FLT1: variants seen among roughly 807,000 people sequenced by gnomAD.
FLT1 encodes fms related receptor tyrosine kinase 1.
A neutral mutation model predicts 156.3 loss-of-function variants in FLT1; 49 were observed. The observed-to-expected ratio is 0.31, with a 90% CI of 0.25 to 0.40. The LOEUF (loss-of-function observed/expected upper bound fraction) is 0.40. Among genes scored for constraint, FLT1 ranks in the 10% least tolerant of loss-of-function variants. The pLI is 1.00. For synonymous variants in FLT1, 594 were observed against 583.8 expected, an observed-to-expected ratio of 1.02 and a Z score of -0.25; for missense variants, 1,322 against 1,637.2, an observed-to-expected ratio of 0.81 and a Z score of 3.32.
chr13:28,480,032 G>C (rs1011738759), intron 1 of FLT1, among the ~76,000 whole-genome samples: 10 of 152,156 alleles, frequency 6.6e-5, no homozygotes, highest in Non-Finnish European at 1.3e-4. Context: ...TGCCGAAGCT[G>C]CTCCCATGAA....
At chr13:28,342,946 T>TTC (rs61022115) in intron 16 of FLT1, among the ~76,000 whole-genome samples, 3,362 of 143,040 alleles carry the variant, frequency 0.024, 102 homozygotes, top group African/African-American at 0.078. Flanking sequence ...CTTTCTTTCT[T>TTC]TCTCTCTCTC....
At chr13:28,363,800 A>G (rs1873193793) in intron 14 of FLT1, among the ~76,000 whole-genome samples, 1 of 151,964 alleles carries the variant, frequency 6.6e-6, no homozygotes, top group Non-Finnish European at 1.5e-5. Context: ...TTTTGTAGAG[A>G]CAGGGTTTCA....
chr13:28,368,853 C>T (rs1873424557), intron 14 of FLT1, among the ~76,000 whole-genome samples: 1 of 151,676 alleles, frequency 6.6e-6, no homozygotes, highest in Non-Finnish European at 1.5e-5. Flanking sequence ...TACAGGTGCC[C>T]ACCACCATAC....
intron 10 of FLT1, among the ~76,000 whole-genome samples, chr13:28,414,947 C>G (rs1315286988): frequency 1.3e-5 from 2 of 152,198 alleles, no homozygotes; most frequent in Admixed American, 1.3e-4. Flanking sequence ...ATCAGCACCT[C>G]TCCATTTGCA....
intron 20 of FLT1, 34 bp downstream of exon 20, chr13:28,327,428 A>G (rs767407777): frequency 2.3e-6 from 3 of 1,299,488 alleles, no homozygotes; most frequent in African/African-American, 1.5e-5. Flanking sequence ...ACTCATTGCT[A>G]TCTTTAAAAA....
In FLT1 at chr13:28,443,755, G is replaced by A. The variant is rs113122409; in HGVS notation, c.389-5410C>T. 6.4e-3 allele frequency among the ~76,000 whole-genome samples: 973 copies of A among 152,286 alleles called. 14 individuals carry two copies. The highest frequency in any genetic ancestry group is 0.022 in the African/African-American group (934 of 41,552). On this transcript the variant is annotated intron_variant, in intron 3 of 29. Coordinates refer to ENST00000282397, the MANE Select transcript of FLT1 (RefSeq NM_002019.4). ...TTGTGGACCGTAAGTAATACTCAAGGAGAATGTACTGATTGGTAAAATATT... is the reference window on the plus strand; with the variant it reads ...TTGTGGACCGTAAGTAATACTCAAGAAGAATGTACTGATTGGTAAAATATT...
Position 28,302,216 on chromosome 13 carries a change from ATTGAG to A in FLT1, c.*946_*950del, listed in dbSNP as rs1420329007. ...GTGCAAAACAGAATAATACCAAGAA[ATTGAG>A]TTAAGTGTCTGGACTATATATTAAT... On this transcript the variant is annotated 3_prime_UTR_variant, in exon 30 of 30. Coordinates refer to ENST00000282397, the MANE Select transcript of FLT1 (RefSeq NM_002019.4). The A allele has an allele frequency of 8.6e-6, 2 of 233,184 alleles. No individual in the cohort carries two copies. Among genetic ancestry groups the A allele is most frequent in the Non-Finnish European group, 8.5e-6 (1 of 118,050 alleles). 14.4% of individuals were successfully genotyped at this position (233,184 alleles called of 1,614,324 possible). A position where few individuals can be genotyped will look rare whatever the true frequency, so the allele number is the denominator to read the frequency against.
chr13:28,412,806 G>A (rs1408322719), intron 10 of FLT1, among the ~76,000 whole-genome samples: 2 of 144,760 alleles, frequency 1.4e-5, no homozygotes, highest in Non-Finnish European at 3.0e-5. Flanking sequence ...GCGCGATCTC[G>A]GCTCACTGCA....
intron 2 of FLT1, 55 bp downstream of exon 2, chr13:28,467,466 G>T: frequency 8.6e-7 from 1 of 1,161,516 alleles, no homozygotes; most frequent in East Asian, 2.4e-5. Context: ...GCCAGGGAAT[G>T]ATTTTGCCTT....
chr13:28,382,437 T>C (rs1331543366), intron 14 of FLT1, among the ~76,000 whole-genome samples: 1 of 152,196 alleles, frequency 6.6e-6, no homozygotes, highest in Admixed American at 6.5e-5. Context: ...GGGCTAGATA[T>C]TGAGGGCATT....
At chr13:28,351,390 A>G (rs961339756) in intron 15 of FLT1, among the ~76,000 whole-genome samples, 1 of 152,188 alleles carries the variant, frequency 6.6e-6, no homozygotes, top group African/African-American at 2.4e-5. Flanking sequence ...CGAGAAGAAA[A>G]TTACTCAGAT....
chr13:28,366,893 A>T (rs750736243), intron 14 of FLT1, among the ~76,000 whole-genome samples: 1 of 152,106 alleles, frequency 6.6e-6, no homozygotes, highest in Non-Finnish European at 1.5e-5. Context: ...TGCCCACTCC[A>T]CTGTGGGCTC....
intron 20 of FLT1, 145 bp from the exon 21 acceptor site, chr13:28,323,091 G>T: frequency 1.2e-6 from 1 of 859,956 alleles, no homozygotes; most frequent in Non-Finnish European, 1.9e-6. Flanking sequence ...GGGGCCCTAC[G>T]GTGTCCAGGA....
intron 24 of FLT1, among the ~76,000 whole-genome samples, chr13:28,318,574 A>G (rs1466991503): frequency 6.6e-6 from 1 of 152,186 alleles, no homozygotes; most frequent in African/African-American, 2.4e-5. Context: ...CAGTGCTGGC[A>G]CCGTGTCATC....
At chr13:28,317,365 A>T in intron 25 of FLT1, 133 bp downstream of exon 25, 1 of 729,536 alleles carries the variant, frequency 1.4e-6, no homozygotes. Flanking sequence ...TGAGGGGAGC[A>T]TCTCTAAAGG....
chr13:28,412,385 T>TTTCTTTCTTTCTTTCTTTCTTTGTTTCC, intron 10 of FLT1, among the ~76,000 whole-genome samples: 1 of 85,028 alleles, frequency 1.2e-5, no homozygotes, highest in East Asian at 3.6e-4. Flanking sequence ...TCTTTCTTTC[T>TTTCTTTCTTTCTTTCTTTCTTTGTTTCC]TTCTTTCTTT....
intron 3 of FLT1, among the ~76,000 whole-genome samples, chr13:28,450,410 G>A (rs1349967176): frequency 6.6e-6 from 1 of 152,172 alleles, no homozygotes; most frequent in Non-Finnish European, 1.5e-5. Flanking sequence ...TTCACACTAA[G>A]CTGGCTGGCG....
At chr13:28,436,592 G>A (rs1275816461) in intron 4 of FLT1, among the ~76,000 whole-genome samples, 4 of 152,080 alleles carry the variant, frequency 2.6e-5, no homozygotes, top group Admixed American at 6.5e-5. Context: ...CTGCATTAGC[G>A]CTCCCATGAA....
At chr13:28,311,940 GCCCCC>G in intron 26 of FLT1, 48 bp downstream of exon 26, 1 of 1,244,084 alleles carries the variant, frequency 8.0e-7, no homozygotes, top group Non-Finnish European at 1.2e-6. Flanking sequence ...CAAATAAAAT[GCCCCC>G]CTGACGTACA....
Sources: allele counts gnomAD v4.1 joint callset (sites outside exome capture counted in the v4.1 genomes callset), GRCh38; gene constraint gnomAD v4.1.1; transcripts MANE v1.5; gene names NCBI Gene and HGNC (gene_info 2026-07-23, HGNC 2026-07-21).